Variants in FAM184A observed in about 807,000 individuals in gnomAD.
The protein encoded by FAM184A is protein FAM184A.
Under a neutral mutation model 143.8 loss-of-function variants are expected in FAM184A, and 99 were observed. That is an observed-to-expected ratio of 0.69 (90% CI 0.58 to 0.81). FAM184A has a LOEUF of 0.81. Among genes scored for constraint, FAM184A ranks in the 40% least tolerant of loss-of-function variants. FAM184A has a pLI of 0.00. For missense variants in FAM184A, 1,217 were observed against 1,310.5 expected, an observed-to-expected ratio of 0.93 and a Z score of 1.10; for synonymous variants, 427 against 446.4, an observed-to-expected ratio of 0.96 and a Z score of 0.55.
At chr6:119,011,904 C>T (rs1179601202) in intron 5 of FAM184A, among the ~76,000 whole-genome samples, 1 of 152,218 alleles carries the variant, frequency 6.6e-6, no homozygotes, top group African/African-American at 2.4e-5. Flanking sequence ...CTGAAGATCA[C>T]TTACTATTTG....
chr6:119,002,675 T>C (rs1363794918), intron 9 of FAM184A, among the ~76,000 whole-genome samples: 1 of 152,144 alleles, frequency 6.6e-6, no homozygotes, highest in Non-Finnish European at 1.5e-5. Context: ...TAAAAAATCA[T>C]AATAAATTCT....
At position 119,024,537 on chromosome 6, in the gene FAM184A, G is replaced by A; in HGVS notation, c.436C>T (p.Gln146Ter). The change falls in exon 2 of 18, where the codon CAG (glutamine) becomes TAG (stop). Residue 146 changes from glutamine to a stop codon, truncating the protein, a stop_gained. Transcript: ENST00000338891. LOFTEE classifies it high-confidence loss of function. ...ATGGTCACTATGCGTTGGACATGCT[G>A]GGCTTCTGCACAAAGTTGCATGTCC... is the stretch of plus-strand genomic sequence containing the variant. Reference protein sequence around the residue: ...VEDMQLCAEAQHVQRIVTMSR... With the variant: ...VEDMQLCAEA 6 of 1,613,972 alleles carry A rather than the reference G, an allele frequency of 3.7e-6. 1 individual carries two copies. In the South Asian group the frequency reaches 5.5e-5, roughly 15 times the overall value.
At chr6:119,069,861 CCT>C (rs938439474) in intron 1 of FAM184A, among the ~76,000 whole-genome samples, 8 of 151,538 alleles carry the variant, frequency 5.3e-5, no homozygotes, top group East Asian at 1.9e-4. Flanking sequence ...AGGAATTTAC[CCT>C]GTTATTTTAC....
intron 4 of FAM184A, among the ~76,000 whole-genome samples, chr6:119,017,217 G>A (rs1331236486): frequency 1.3e-5 from 2 of 152,156 alleles, no homozygotes; most frequent in African/African-American, 2.4e-5. Flanking sequence ...TAAAGGGCTG[G>A]GCCGGGTGCA....
At chr6:119,070,258 T>G (rs559294351) in intron 1 of FAM184A, among the ~76,000 whole-genome samples, 6 of 152,294 alleles carry the variant, frequency 3.9e-5, no homozygotes, top group African/African-American at 1.4e-4. Context: ...AAAAGAAAGA[T>G]GTAATCCTTG....
chr6:119,069,826 C>T (rs1787615759), intron 1 of FAM184A, among the ~76,000 whole-genome samples: 1 of 152,098 alleles, frequency 6.6e-6, no homozygotes, highest in Admixed American at 6.5e-5. Flanking sequence ...TAAAATAATT[C>T]ATTCTCTAAT....
chr6:118,998,627 T>C (rs572852705), intron 9 of FAM184A, among the ~76,000 whole-genome samples: 1 of 152,292 alleles, frequency 6.6e-6, no homozygotes, highest in South Asian at 2.1e-4. Flanking sequence ...GATAACTGAT[T>C]AAGTGAAGGG....
upstream of FAM184A, among the ~76,000 whole-genome samples, chr6:119,079,902 T>A (rs1420707193): frequency 6.6e-6 from 1 of 152,190 alleles, no homozygotes; most frequent in African/African-American, 2.4e-5. Flanking sequence ...CAGTCCCCCT[T>A]AAATAGACCT....
At chr6:118,990,733 AAATT>A (rs1376694035) in intron 9 of FAM184A, among the ~76,000 whole-genome samples, 1 of 151,852 alleles carries the variant, frequency 6.6e-6, no homozygotes, top group South Asian at 2.1e-4. Flanking sequence ...AAAAAAAAAA[AAATT>A]AGCCAGGAGT....
chr6:119,090,579 A>G (rs147169948), intron 1 of FAM184A, among the ~76,000 whole-genome samples: 290 of 152,312 alleles, frequency 1.9e-3, no homozygotes, highest in African/African-American at 6.8e-3. Context: ...TTTGCTCTAT[A>G]TGAAATTCAT....
intron 1 of FAM184A, among the ~76,000 whole-genome samples, chr6:119,090,530 G>GT (rs1358819550): frequency 6.6e-6 from 1 of 152,164 alleles, no homozygotes; most frequent in African/African-American, 2.4e-5. Flanking sequence ...GACATCAAAA[G>GT]TATCTCCTAC....
At chr6:119,142,782 G>A (rs149649123) in intron 1 of FAM184A, among the ~76,000 whole-genome samples, 1 of 152,314 alleles carries the variant, frequency 6.6e-6, no homozygotes, top group Non-Finnish European at 1.5e-5. Context: ...CTGTGAATGT[G>A]ACCTTATTTA....
intron 1 of FAM184A, among the ~76,000 whole-genome samples, chr6:119,088,792 A>C (rs1472023915): frequency 6.6e-6 from 1 of 152,224 alleles, no homozygotes; most frequent in Non-Finnish European, 1.5e-5. Flanking sequence ...CAATGGAATC[A>C]ATAATCATAC....
rs1246254283 is a variant in FAM184A at position 119,078,179 on chromosome 6, G to T, written c.121C>A (p.His41Asn). Residue 41 changes from histidine to asparagine, a missense_variant, in exon 1 of 18, where the codon CAC becomes AAC. By Grantham distance (68) the His-to-Asn change is moderately conservative. Transcript: ENST00000338891. The surrounding 1 kb of genome is among the most constrained non-coding windows in gnomAD (Gnocchi z 5.5). ...GHSMDYSQEM[H>N]LKMSKKIAQL... ...GCGATTTTCTTGCTCATTTTCAGGT[G>T]CATCTCCTGGCTGTAGTCCATGCTG... 29 of 1,591,368 alleles carry T rather than the reference G, an allele frequency of 1.8e-5. No individual in the cohort carries two copies. The highest frequency in any genetic ancestry group is 2.3e-5 in the Non-Finnish European group (27 of 1,170,900).
At chr6:119,137,745 C>T (rs1481529871) in intron 1 of FAM184A, among the ~76,000 whole-genome samples, 1 of 152,226 alleles carries the variant, frequency 6.6e-6, no homozygotes, top group African/African-American at 2.4e-5. Flanking sequence ...GTTGGCAGTC[C>T]TGTCTCTCCT....
chr6:119,138,839 C>T (rs1772110160), intron 1 of FAM184A, among the ~76,000 whole-genome samples: 1 of 152,144 alleles, frequency 6.6e-6, no homozygotes, highest in Non-Finnish European at 1.5e-5. Flanking sequence ...GTTGGTCAGG[C>T]TGGTCTTGAA....
At chr6:118,991,823 T>C (rs1455597792) in intron 9 of FAM184A, among the ~76,000 whole-genome samples, 1 of 140,652 alleles carries the variant, frequency 7.1e-6, no homozygotes, top group South Asian at 2.3e-4. Context: ...AGTGCAGTGG[T>C]ATGATCTCGG....
chr6:118,990,342 C>T (rs1159329785), intron 9 of FAM184A, among the ~76,000 whole-genome samples: 2 of 149,406 alleles, frequency 1.3e-5, no homozygotes, highest in Non-Finnish European at 3.0e-5. Context: ...AGATTTGGGG[C>T]TTTATATGAC....
chr6:119,011,149 C>G (rs1339505253), intron 6 of FAM184A, 160 bp downstream of exon 6: 1 of 573,998 alleles, frequency 1.7e-6, no homozygotes, highest in East Asian at 3.5e-5. Flanking sequence ...GGAACATAAT[C>G]AGAGTGTCAT....
Sources: gnomAD v4.1 joint callset for allele counts (sites outside exome capture counted in the v4.1 genomes callset) on GRCh38, gnomAD v4.1.1 for gene constraint, Gnocchi (gnomAD v3.1) non-coding constraint, MANE v1.5 for transcripts, NCBI Gene and HGNC (gene_info 2026-07-23, HGNC 2026-07-21) for gene names.